KCNQ3: variants seen among roughly 807,000 people sequenced by gnomAD.
KCNQ3 encodes the protein potassium voltage-gated channel subfamily Q member 3.
Under a neutral mutation model 92.5 loss-of-function variants are expected in KCNQ3, and 30 were observed. The observed-to-expected ratio is 0.32, with a 90% CI of 0.24 to 0.44. The LOEUF (loss-of-function observed/expected upper bound fraction) is 0.44. Ranked by LOEUF, KCNQ3 falls within the 20% of genes least tolerant of loss-of-function variation. The pLI, the probability that KCNQ3 is intolerant of heterozygous loss-of-function variation, is 1.00. For synonymous variants in KCNQ3, 450 were observed against 468.8 expected (o/e 0.96, Z 0.52); for missense variants, 913 against 1,140.3 (o/e 0.80, Z 2.87).
At chr8:132,311,003 C>T (rs1381061614) in intron 1 of KCNQ3, among the ~76,000 whole-genome samples, 10 of 151,066 alleles carry the variant, frequency 6.6e-5, no homozygotes, top group Non-Finnish European at 1.5e-4. Context: ...TTCAGTGGCA[C>T]GATTTCGGCT....
chr8:132,216,917 T>A (rs1405113807), intron 1 of KCNQ3, among the ~76,000 whole-genome samples: 1 of 152,148 alleles, frequency 6.6e-6, no homozygotes, highest in African/African-American at 2.4e-5. Context: ...TAAGAGTCTC[T>A]GGAATTTTGC....
chr8:132,333,353 A>T (rs1174044657), intron 1 of KCNQ3, among the ~76,000 whole-genome samples: 1 of 152,164 alleles, frequency 6.6e-6, no homozygotes, highest in East Asian at 1.9e-4. Flanking sequence ...TATTTAAAAC[A>T]TTTCCATACT....
intron 9 of KCNQ3, among the ~76,000 whole-genome samples, chr8:132,160,282 G>T (rs966732081): frequency 5.9e-5 from 9 of 152,210 alleles, no homozygotes; most frequent in Non-Finnish European, 1.3e-4. Context: ...CTGTGTTGCA[G>T]GCAGAGTCCA....
intron 1 of KCNQ3, among the ~76,000 whole-genome samples, chr8:132,212,426 T>G (rs991601104): frequency 6.6e-6 from 1 of 152,072 alleles, no homozygotes; most frequent in Non-Finnish European, 1.5e-5. Context: ...CTTCAAGCAT[T>G]GGGAGGCAGT....
intron 1 of KCNQ3, among the ~76,000 whole-genome samples, chr8:132,217,710 C>CAA (rs1170925572): frequency 0.26 from 16,903 of 66,078 alleles, 1,993 homozygotes; most frequent in African/African-American, 0.37. Flanking sequence ...GGCTCTGTCT[C>CAA]AAAAAAAAAA....
chr8:132,448,374 A>G (rs903340826), intron 1 of KCNQ3, among the ~76,000 whole-genome samples: 4 of 141,908 alleles, frequency 2.8e-5, no homozygotes, highest in African/African-American at 5.4e-5. Flanking sequence ...CTGGTTTAAG[A>G]TGGGTTTCTG....
intron 1 of KCNQ3, among the ~76,000 whole-genome samples, chr8:132,350,203 C>T (rs1176035252): frequency 2.0e-5 from 3 of 152,288 alleles, no homozygotes; most frequent in African/African-American, 7.2e-5. Flanking sequence ...GTAATATCTG[C>T]ACAGGTTGAC....
At chr8:132,298,599 A>G (rs909917980) in intron 1 of KCNQ3, among the ~76,000 whole-genome samples, 2 of 152,202 alleles carry the variant, frequency 1.3e-5, no homozygotes, top group Admixed American at 1.3e-4. Flanking sequence ...TGTCTGTAAG[A>G]TAAGTTTATG....
At chr8:132,191,310 C>G (rs1016350445) in intron 1 of KCNQ3, among the ~76,000 whole-genome samples, 4 of 152,190 alleles carry the variant, frequency 2.6e-5, no homozygotes, top group South Asian at 4.1e-4. Flanking sequence ...TACAGGTGTG[C>G]ACCACCACTC....
intron 1 of KCNQ3, among the ~76,000 whole-genome samples, chr8:132,247,819 A>C (rs1219864436): frequency 4.6e-5 from 7 of 152,058 alleles, no homozygotes; most frequent in Non-Finnish European, 1.0e-4. Context: ...AAAAGACAGA[A>C]TATTTCATTC....
At chr8:132,342,998 G>A (rs1223318693) in intron 1 of KCNQ3, among the ~76,000 whole-genome samples, 1 of 152,174 alleles carries the variant, frequency 6.6e-6, no homozygotes, top group Non-Finnish European at 1.5e-5. Context: ...CAGGGCTAAC[G>A]TATTGGGCAT....
At chr8:132,322,795 A>G (rs1260399619) in intron 1 of KCNQ3, among the ~76,000 whole-genome samples, 1 of 152,192 alleles carries the variant, frequency 6.6e-6, no homozygotes, top group Non-Finnish European at 1.5e-5. Flanking sequence ...CAGGCTTTTA[A>G]GCCTCCAAAT....
At chr8:132,362,084 C>T (rs6984395) in intron 1 of KCNQ3, among the ~76,000 whole-genome samples, 16 of 152,132 alleles carry the variant, frequency 1.1e-4, no homozygotes, top group South Asian at 6.2e-4. Flanking sequence ...AAAACATGCA[C>T]GAGAGCTCCT....
chr8:132,185,619 G>A (rs1032804049), intron 2 of KCNQ3, among the ~76,000 whole-genome samples: 1 of 152,228 alleles, frequency 6.6e-6, no homozygotes, highest in African/African-American at 2.4e-5. Context: ...AGGACAGAGA[G>A]TGAAAACAAA....
Position 132,412,099 on chromosome 8 carries a change from C to T in KCNQ3, c.386+68048G>A, listed in dbSNP as rs190970428. On this transcript the variant is annotated intron_variant, in intron 1 of 14. Transcript: ENST00000388996. ...GAGGACTGAGAATGAAGCAAGCCCA[C>T]TGCCTGGCGCTTGGCACCCCACAGG... Among the ~76,000 whole-genome samples, 97 of 152,328 alleles carry T rather than the reference C, an allele frequency of 6.4e-4. 2 individuals are homozygous for T. Among genetic ancestry groups the T allele is most frequent in the African/African-American group, 2.0e-3 (84 of 41,580 alleles).
intron 1 of KCNQ3, among the ~76,000 whole-genome samples, chr8:132,267,723 CTGAA>C (rs1333326047): frequency 6.6e-6 from 1 of 152,184 alleles, no homozygotes; most frequent in Non-Finnish European, 1.5e-5. Flanking sequence ...CTCAAATCTC[CTGAA>C]TGAAAATATT....
At chr8:132,163,692 G>C (rs534787504) in intron 8 of KCNQ3, among the ~76,000 whole-genome samples, 198 bp from the exon 9 acceptor site, 1 of 152,274 alleles carries the variant, frequency 6.6e-6, no homozygotes, top group African/African-American at 2.4e-5. Flanking sequence ...TACTCCCGTT[G>C]GCTCTGAGGT....
chr8:132,248,760 T>C (rs1372620938), intron 1 of KCNQ3, among the ~76,000 whole-genome samples: 1 of 152,068 alleles, frequency 6.6e-6, no homozygotes, highest in East Asian at 1.9e-4. Flanking sequence ...CCTGCCACGG[T>C]GATTGGCTGA....
intron 1 of KCNQ3, among the ~76,000 whole-genome samples, chr8:132,232,130 A>G (rs956305000): frequency 6.6e-6 from 1 of 152,190 alleles, no homozygotes; most frequent in Admixed American, 6.5e-5. Flanking sequence ...TCATTCCCCT[A>G]TATCAGAGGA....
Sources: allele counts gnomAD v4.1 joint callset (sites outside exome capture counted in the v4.1 genomes callset), GRCh38; gene constraint gnomAD v4.1.1; transcripts MANE v1.5; gene names NCBI Gene and HGNC (gene_info 2026-07-23, HGNC 2026-07-21).